The following MGST2 variants were observed in gnomAD, a reference collection of about 807,000 sequenced individuals.
The protein encoded by MGST2 is glutathione peroxidase MGST2.
MGST2 carries 9 observed loss-of-function variants against 16.6 expected under a neutral mutation model. That is an observed-to-expected ratio of 0.54 (90% CI 0.33 to 0.95). MGST2 has a LOEUF of 0.95. MGST2 is among the 40% of genes least tolerant of loss of function. MGST2 has a pLI of 0.03. For missense variants in MGST2, 159 were observed against 175.1 expected, an observed-to-expected ratio of 0.91 and a Z score of 0.52; for synonymous variants, 79 against 68.0, an observed-to-expected ratio of 1.16 and a Z score of -0.79.
At chr4:139,670,427 G>C (rs1434888944) in intron 1 of MGST2, among the ~76,000 whole-genome samples, 2 of 152,030 alleles carry the variant, frequency 1.3e-5, no homozygotes, top group African/African-American at 4.8e-5. Context: ...ATTTTAAGGA[G>C]GCAGGAATTA....
intron 5 of MGST2, among the ~76,000 whole-genome samples, chr4:139,710,493 A>T (rs1455520479): frequency 2.0e-5 from 3 of 152,114 alleles, no homozygotes; most frequent in African/African-American, 7.2e-5. Context: ...AGTAATCAAC[A>T]CTTCTCAGAG....
chr4:139,682,434 G>C (rs748535322), intron 2 of MGST2, among the ~76,000 whole-genome samples: 72 of 152,098 alleles, frequency 4.7e-4, no homozygotes, highest in Non-Finnish European at 9.0e-4. Context: ...AAAGCCCTTA[G>C]CTGAGGATAC....
At chr4:139,742,893 C>T (rs1240813948), downstream of MGST2, among the ~76,000 whole-genome samples, 1 of 152,096 alleles carries the variant, frequency 6.6e-6, no homozygotes, top group South Asian at 2.1e-4. Context: ...TATTTTTTGC[C>T]ACCTATCCCT....
chr4:139,665,968 A>T lies in MGST2; in HGVS notation c.-52A>T. On this transcript the variant is annotated 5_prime_UTR_variant, in exon 1 of 5. Transcript: ENST00000265498. ...ATAAGGAAGGTCAGCATTCAAAGTC[A>T]AGAAGCGCCATTTATCTTCCCGTGC... 6.3e-7 allele frequency: 1 copy of T among 1,591,596 alleles called. No homozygotes were observed. Among genetic ancestry groups the T allele is most frequent in the Non-Finnish European group, 8.6e-7 (1 of 1,159,920 alleles).
the MGST2 span, among the ~76,000 whole-genome samples, chr4:139,748,752 G>A: frequency 9.7e-6 from 1 of 103,344 alleles, no homozygotes; most frequent in Non-Finnish European, 1.9e-5. Flanking sequence ...TTGGAAAGTT[G>A]AGCAATTTCA....
At chr4:139,700,218 G>A (rs1479855879) in intron 3 of MGST2, among the ~76,000 whole-genome samples, 12 of 131,270 alleles carry the variant, frequency 9.1e-5, no homozygotes, top group Admixed American at 3.6e-4. Context: ...TGCAAGCTCC[G>A]CCTCCCGGGT....
At chr4:139,672,925 G>T (rs1730773852) in intron 1 of MGST2, among the ~76,000 whole-genome samples, 1 of 152,070 alleles carries the variant, frequency 6.6e-6, no homozygotes, top group Non-Finnish European at 1.5e-5. Context: ...TAGCAGAAGG[G>T]GATTAGTGGA....
At chr4:139,728,075 C>T (rs570485467) in intron 5 of MGST2, among the ~76,000 whole-genome samples, 3 of 152,174 alleles carry the variant, frequency 2.0e-5, no homozygotes, top group Admixed American at 6.5e-5. Flanking sequence ...ATTAGCCAGG[C>T]GTGATGGTGT....
At chr4:139,666,378 A>G (rs963600323) in intron 1 of MGST2, among the ~76,000 whole-genome samples, 3 of 152,172 alleles carry the variant, frequency 2.0e-5, no homozygotes, top group Admixed American at 2.0e-4. Context: ...TACGACCCAC[A>G]GCCCGTTCAA....
the MGST2 span, among the ~76,000 whole-genome samples, chr4:139,752,545 G>C: frequency 6.6e-6 from 1 of 152,180 alleles, no homozygotes; most frequent in East Asian, 1.9e-4. Context: ...TGGGAAAGTG[G>C]CTGGCAGGTC....
At chr4:139,710,596 T>G (rs1173389478) in intron 5 of MGST2, among the ~76,000 whole-genome samples, 1 of 151,964 alleles carries the variant, frequency 6.6e-6, no homozygotes, top group East Asian at 1.9e-4. Flanking sequence ...TCTGGGAGAG[T>G]GCTAAGCCAA....
At chr4:139,667,988 G>T (rs1730461266) in intron 1 of MGST2, among the ~76,000 whole-genome samples, 1 of 152,200 alleles carries the variant, frequency 6.6e-6, no homozygotes, top group African/African-American at 2.4e-5. Context: ...TCTGCCCAAA[G>T]GGGTCTGGCT....
chr4:139,674,882 A>C (rs780088383), intron 1 of MGST2, among the ~76,000 whole-genome samples: 2 of 152,060 alleles, frequency 1.3e-5, no homozygotes, highest in Non-Finnish European at 2.9e-5. Context: ...TGGCTTAGTG[A>C]TTTGGGGGTC....
At position 139,668,549 on chromosome 4, in the gene MGST2, T is replaced by C. The variant is rs559515420; in HGVS notation, c.58+2472T>C. Among the ~76,000 whole-genome samples the C allele has an allele frequency of 9.6e-4, 145 of 150,468 alleles. 1 individual carries two copies. The highest frequency in any genetic ancestry group is 1.9e-3 in the Non-Finnish European group (127 of 67,876). On this transcript the variant is annotated intron_variant, in intron 1 of 4. Coordinates refer to ENST00000265498, the MANE Select transcript of MGST2 (RefSeq NM_002413.5). The stretch of plus-strand genomic sequence containing the variant: ...TGGTGTCTTATTTCTACAAAAAGTC[T>C]TAAGTGTTAGATTTTTTAAAGGGAA...
At chr4:139,716,213 G>C (rs1249182342) in intron 5 of MGST2, among the ~76,000 whole-genome samples, 2 of 152,030 alleles carry the variant, frequency 1.3e-5, no homozygotes, top group Non-Finnish European at 2.9e-5. Flanking sequence ...AATCCAGAGG[G>C]GTATAAACTT....
intron 3 of MGST2, chr4:139,698,406 C>G (rs1430078863): frequency 3.2e-6 from 5 of 1,575,618 alleles, no homozygotes; most frequent in Non-Finnish European, 4.4e-6. Context: ...TCTAATTTCA[C>G]GGAGCGCCAC....
chr4:139,735,388 T>A lies in MGST2; in HGVS notation c.*49-4824T>A, dbSNP rs1334484681. 6.6e-6 allele frequency among the ~76,000 whole-genome samples: 1 copy of A among 150,638 alleles called. No individual in the cohort carries two copies. The highest frequency in any genetic ancestry group is 1.5e-5 in the Non-Finnish European group (1 of 67,746). The stretch of plus-strand genomic sequence containing the variant: ...CTTCCAGCCGGAGGGGAGGAAGAAT[T>A]CAAGTGGGGGAGGGCGCGGGAAGGG... On this transcript the variant is annotated intron_variant, in intron 5 of 5. Transcript: ENST00000616265. This position sits in a 1 kb window ranked among gnomAD's most constrained non-coding sequence, Gnocchi z 5.8.
At chr4:139,675,436 A>G (rs77199275) in intron 1 of MGST2, among the ~76,000 whole-genome samples, 1 of 152,220 alleles carries the variant, frequency 6.6e-6, no homozygotes, top group Non-Finnish European at 1.5e-5. Context: ...TCATCACAAG[A>G]TGAAGGTGGT....
At chr4:139,752,321 T>C in the MGST2 span, among the ~76,000 whole-genome samples, 13 of 152,210 alleles carry the variant, frequency 8.5e-5, no homozygotes, top group Non-Finnish European at 1.6e-4. Flanking sequence ...CAATGAGATA[T>C]GGTATTTAGG....
Sources: gnomAD v4.1 joint callset for allele counts (sites outside exome capture counted in the v4.1 genomes callset) on GRCh38, gnomAD v4.1.1 for gene constraint, Gnocchi (gnomAD v3.1) non-coding constraint, MANE v1.5 for transcripts, NCBI Gene and HGNC (gene_info 2026-07-23, HGNC 2026-07-21) for gene names.